Variants in C1QTNF2 observed in about 807,000 individuals in gnomAD.
The protein encoded by C1QTNF2 is complement C1q tumor necrosis factor-related protein 2.
In C1QTNF2, 15 loss-of-function variants were observed where a neutral mutation model predicts 17.4. The observed-to-expected ratio is 0.86, with a 90% CI of 0.58 to 1.33. The LOEUF is 1.33. Ranked by LOEUF, C1QTNF2 falls within the 40% of genes most tolerant of loss-of-function variation. The probability of loss-of-function intolerance (pLI) is 0.00; values close to 1 mark genes in which losing one functional copy is unlikely to be tolerated. For missense variants in C1QTNF2, 381 were observed against 392.3 expected (o/e 0.97, Z 0.24); for synonymous variants, 154 against 163.3 (o/e 0.94, Z 0.44).
intron 1 of C1QTNF2, 87 bp downstream of exon 1, chr5:160,370,425 G>A: frequency 1.5e-6 from 2 of 1,348,718 alleles, no homozygotes; most frequent in Non-Finnish European, 1.9e-6. Flanking sequence ...TCCGCATCCC[G>A]CCCCGCCCGC....
intron 1 of C1QTNF2, among the ~76,000 whole-genome samples, chr5:160,358,060 C>T (rs137997397): frequency 6.6e-6 from 1 of 152,340 alleles, no homozygotes; most frequent in East Asian, 1.9e-4. Context: ...AGAGGGAATG[C>T]CTGTCTGCGA....
At chr5:160,367,021 C>CAAA (rs71285021) in intron 1 of C1QTNF2, among the ~76,000 whole-genome samples, 111 of 87,326 alleles carry the variant, frequency 1.3e-3, no homozygotes, top group African/African-American at 4.2e-3. Flanking sequence ...AAGACATTGT[C>CAAA]AAAAAAAAAA....
intron 1 of C1QTNF2, among the ~76,000 whole-genome samples, chr5:160,360,262 C>A (rs1352252412): frequency 6.6e-6 from 1 of 152,194 alleles, no homozygotes; most frequent in Non-Finnish European, 1.5e-5. Context: ...CCCCAGCTGG[C>A]CACCTGGCTT....
chr5:160,363,562 C>T (rs1417895865), intron 1 of C1QTNF2, among the ~76,000 whole-genome samples: 2 of 152,242 alleles, frequency 1.3e-5, no homozygotes, highest in Non-Finnish European at 2.9e-5. Context: ...TTCCTGAAAG[C>T]ACACAGGAAA....
At chr5:160,354,492 T>C (rs1763988484) in intron 2 of C1QTNF2, among the ~76,000 whole-genome samples, 1 of 150,678 alleles carries the variant, frequency 6.6e-6, no homozygotes, top group Admixed American at 6.6e-5. Flanking sequence ...GGCAGGAGAA[T>C]TGCTTGATCC....
intron 2 of C1QTNF2, among the ~76,000 whole-genome samples, chr5:160,352,392 G>A (rs1264484469): frequency 1.3e-5 from 2 of 152,140 alleles, no homozygotes; most frequent in African/African-American, 2.4e-5. Flanking sequence ...TGGTGATGGC[G>A]GGTGGTTGGA....
At position 160,349,028 on chromosome 5, in the gene C1QTNF2, A is replaced by G. The variant is rs1763853562; in HGVS notation, c.*140T>C. ...AAAAGGTTTGGATTTAATGAAGGGG[A>G]AAAAAAGAGGCAGAGGAGGTGAGCC... On this transcript the variant is annotated 3_prime_UTR_variant, in exon 3 of 3. Transcript: ENST00000652664. The surrounding 1 kb of genome is among the most constrained non-coding windows in gnomAD (Gnocchi z 4.3). 1 of 1,010,716 alleles carries G rather than the reference A, an allele frequency of 9.9e-7. No homozygotes were observed. 62.6% of individuals were successfully genotyped at this position (1,010,716 alleles called of 1,614,324 possible).
At chr5:160,358,322 C>T (rs1386925941) in intron 1 of C1QTNF2, among the ~76,000 whole-genome samples, 1 of 152,210 alleles carries the variant, frequency 6.6e-6, no homozygotes, top group Non-Finnish European at 1.5e-5. Flanking sequence ...CTACAAATAG[C>T]CCTGCTCCCA....
At chr5:160,352,993 C>G (rs563668227) in intron 2 of C1QTNF2, among the ~76,000 whole-genome samples, 1 of 152,086 alleles carries the variant, frequency 6.6e-6, no homozygotes, top group African/African-American at 2.4e-5. Flanking sequence ...CTATTATTAT[C>G]CATATTTTAG....
At chr5:160,352,962 C>T (rs1316427439) in intron 2 of C1QTNF2, among the ~76,000 whole-genome samples, 2 of 152,048 alleles carry the variant, frequency 1.3e-5, no homozygotes, top group Admixed American at 1.3e-4. Context: ...TCATCTTTAC[C>T]ACAACCTTGT....
chr5:160,357,093 C>T (rs963423512), intron 1 of C1QTNF2, among the ~76,000 whole-genome samples: 1 of 152,178 alleles, frequency 6.6e-6, no homozygotes, highest in African/African-American at 2.4e-5. Flanking sequence ...AGTCTAGGCC[C>T]GCCCCAGTCG....
intron 1 of C1QTNF2, among the ~76,000 whole-genome samples, chr5:160,367,085 A>G (rs940098771): frequency 4.6e-5 from 7 of 152,154 alleles, no homozygotes; most frequent in Non-Finnish European, 8.8e-5. Context: ...GAGGATTAAA[A>G]AGCTATGGAA....
In C1QTNF2 at chr5:160,355,117, A is replaced by G. The variant is rs1764023802; in HGVS notation, c.-9-97T>C. 2.1e-6 allele frequency: 3 copies of G among 1,432,284 alleles called. No homozygotes were observed. The Admixed American group carries it at 8.8e-5, about 42-fold the overall frequency. The allele number at this position is 1,432,284 out of a possible 1,614,324, so 88.7% of individuals were successfully genotyped here. A position where few individuals can be genotyped will look rare whatever the true frequency, so the allele number is the denominator to read the frequency against. ...GCACAGGAGGAGGCAGCTGGGATAC[A>G]CTCAGTTGGATTTCTGTCTCTTGCT... On this transcript the variant is annotated intron_variant, in intron 1 of 2. Coordinates refer to ENST00000652664, the MANE Select transcript of C1QTNF2 (RefSeq NM_031908.6).
chr5:160,367,139 A>T (rs1235401245), intron 1 of C1QTNF2, among the ~76,000 whole-genome samples: 1 of 152,154 alleles, frequency 6.6e-6, no homozygotes, highest in Admixed American at 6.6e-5. Flanking sequence ...ACAAGCAGGG[A>T]TCAGTTGGCT....
At chr5:160,362,250 C>T (rs1227376695) in intron 1 of C1QTNF2, among the ~76,000 whole-genome samples, 1 of 152,166 alleles carries the variant, frequency 6.6e-6, no homozygotes, top group Non-Finnish European at 1.5e-5. Context: ...CTAGGTTTCA[C>T]CTAGGACCTC....
intron 1 of C1QTNF2, among the ~76,000 whole-genome samples, chr5:160,361,763 C>A (rs902059932): frequency 5.9e-5 from 9 of 152,104 alleles, no homozygotes; most frequent in African/African-American, 1.7e-4. Flanking sequence ...TAGCTGCCAG[C>A]CTCATCCTTC....
rs1460624730 is a variant in C1QTNF2, at chr5:160,349,743, G to T, written c.283C>A (p.Pro95Thr). Residue 95 changes from proline (P) to threonine (T), a missense_variant, in exon 3 of 3, where the codon CCA becomes ACA. Coordinates refer to ENST00000652664, the MANE Select transcript of C1QTNF2 (RefSeq NM_031908.6). This position sits in a 1 kb window ranked among gnomAD's most constrained non-coding sequence, Gnocchi z 4.3. The stretch of plus-strand genomic sequence containing the variant: ...CCAATGGCCCCGGCTTTGCCCTTTG[G>T]TCCTGGCTTTCCCCGGTTACCTGTC... The part of the protein sequence containing the change: ...GRTGNRGKPG[P>T]KGKAGAIGRA... 6.5e-7 allele frequency: 1 copy of T among 1,541,824 alleles called. No individual in the cohort carries two copies. Among genetic ancestry groups the T allele is most frequent in the Non-Finnish European group, 8.7e-7 (1 of 1,153,482 alleles).
chr5:160,351,194 A>ACTCTGATGTTTCATT (rs1763913304), intron 2 of C1QTNF2, among the ~76,000 whole-genome samples: 2 of 152,108 alleles, frequency 1.3e-5, no homozygotes, highest in African/African-American at 4.8e-5. Context: ...GATGTTTCAT[A>ACTCTGATGTTTCATT]CTCCAATGTT....
chr5:160,351,971 C>T (rs754877667), intron 2 of C1QTNF2, among the ~76,000 whole-genome samples: 2 of 149,532 alleles, frequency 1.3e-5, no homozygotes, highest in Non-Finnish European at 3.0e-5. Context: ...AGTGCAGTGG[C>T]GCGATCATAG....
Sources: gnomAD v4.1 joint callset for allele counts (sites outside exome capture counted in the v4.1 genomes callset) on GRCh38, gnomAD v4.1.1 for gene constraint, Gnocchi (gnomAD v3.1) non-coding constraint, MANE v1.5 for transcripts, NCBI Gene and HGNC (gene_info 2026-07-23, HGNC 2026-07-21) for gene names.